NCKAP5: variants seen among roughly 807,000 people sequenced by gnomAD.
NCKAP5 encodes NCK associated protein 5, also known as nck-associated protein 5.
A neutral mutation model predicts 167.0 loss-of-function variants in NCKAP5; 92 were observed. That is an observed-to-expected ratio of 0.55 (90% CI 0.47 to 0.66). The LOEUF (loss-of-function observed/expected upper bound fraction) is 0.66. Ranked by LOEUF, NCKAP5 falls within the 30% of genes least tolerant of loss-of-function variation. NCKAP5 has a pLI of 0.00. For missense variants in NCKAP5, 2,378 were observed against 2,315.0 expected (o/e 1.03, Z -0.56); for synonymous variants, 891 against 877.4 (o/e 1.02, Z -0.27).
At chr2:132,967,155 C>A (rs2076693904) in intron 7 of NCKAP5, among the ~76,000 whole-genome samples, 1 of 143,100 alleles carries the variant, frequency 7.0e-6, no homozygotes, top group South Asian at 2.3e-4. Flanking sequence ...GAGCCACTGC[C>A]CTATCGTACA....
chr2:133,602,516 CACGT>C, the NCKAP5 span, among the ~76,000 whole-genome samples: 1 of 152,152 alleles, frequency 6.6e-6, no homozygotes, highest in Non-Finnish European at 1.5e-5. Context: ...GGGAGGTAGG[CACGT>C]GGCTATCTTC....
intron 4 of NCKAP5, among the ~76,000 whole-genome samples, chr2:133,243,169 C>T (rs2087808043): frequency 6.6e-6 from 1 of 152,116 alleles, no homozygotes; most frequent in Admixed American, 6.6e-5. Context: ...GTGCAACCCC[C>T]ATTTTTTAAA....
intron 5 of NCKAP5, among the ~76,000 whole-genome samples, chr2:133,210,458 TA>T (rs533131796): frequency 2.0e-5 from 3 of 151,856 alleles, no homozygotes; most frequent in African/African-American, 4.8e-5. Flanking sequence ...AATAAAAATA[TA>T]AAAAAAACTG....
At chr2:133,538,929 G>GT (rs1685978131) in intron 2 of NCKAP5, among the ~76,000 whole-genome samples, 1 of 102,798 alleles carries the variant, frequency 9.7e-6, no homozygotes, top group East Asian at 3.2e-4. Flanking sequence ...TGGTTTTTTT[G>GT]GGTTTTTTTT....
intron 11 of NCKAP5, among the ~76,000 whole-genome samples, chr2:132,853,503 T>C (rs907683670): frequency 1.3e-5 from 2 of 152,222 alleles, no homozygotes; most frequent in Non-Finnish European, 2.9e-5. Flanking sequence ...ACACATATGA[T>C]GGGAAGTCAG....
chr2:133,479,932 CTTTT>C (rs11368084), intron 3 of NCKAP5, among the ~76,000 whole-genome samples: 3 of 133,582 alleles, frequency 2.2e-5, no homozygotes, highest in African/African-American at 2.8e-5. Flanking sequence ...TTTCTTTTTC[CTTTT>C]TTTTTTTTTT....
At chr2:132,674,208 G>A (rs549021299) in intron 19 of NCKAP5, among the ~76,000 whole-genome samples, 16 of 152,248 alleles carry the variant, frequency 1.1e-4, no homozygotes, top group African/African-American at 2.6e-4. Flanking sequence ...AAGCAGGCCC[G>A]GGGGCTTGGA....
chr2:133,116,955 G>C (rs898435756), intron 6 of NCKAP5: 3 of 152,228 alleles, frequency 2.0e-5, no homozygotes, highest in East Asian at 3.9e-4. Flanking sequence ...TTGTTCTTTT[G>C]TAGACAACAT....
intron 4 of NCKAP5, among the ~76,000 whole-genome samples, chr2:133,251,666 G>A (rs1256434830): frequency 6.6e-6 from 1 of 152,168 alleles, no homozygotes; most frequent in Non-Finnish European, 1.5e-5. Flanking sequence ...TAGATGTGAA[G>A]ATGAGAAAAG....
intron 8 of NCKAP5, among the ~76,000 whole-genome samples, chr2:132,882,366 AC>A (rs1259920524): frequency 1.3e-5 from 2 of 151,148 alleles, no homozygotes; most frequent in Admixed American, 6.6e-5. Flanking sequence ...CAGGCTCAAC[AC>A]CCCCACCCCA....
intron 2 of NCKAP5, among the ~76,000 whole-genome samples, chr2:133,553,702 A>G (rs1410781746): frequency 6.6e-6 from 1 of 152,188 alleles, no homozygotes; most frequent in African/African-American, 2.4e-5. Context: ...AAGGGGACTT[A>G]GGACACTAAT....
intron 7 of NCKAP5, among the ~76,000 whole-genome samples, chr2:132,971,203 A>C (rs1057401483): frequency 1.3e-5 from 2 of 152,218 alleles, no homozygotes; most frequent in African/African-American, 4.8e-5. Flanking sequence ...CCTGTGAGGA[A>C]GAGTTTCAAG....
intron 3 of NCKAP5, among the ~76,000 whole-genome samples, chr2:133,340,651 T>C (rs1304249692): frequency 6.6e-6 from 1 of 152,194 alleles, no homozygotes; most frequent in South Asian, 2.1e-4. Flanking sequence ...AATGAGGTAA[T>C]GAATGCCCTA....
chr2:132,860,034 T>G (rs549116473), intron 11 of NCKAP5, among the ~76,000 whole-genome samples: 1 of 152,292 alleles, frequency 6.6e-6, no homozygotes, highest in East Asian at 1.9e-4. Context: ...CGTTCTGTTA[T>G]AAGAAGGAAC....
intron 4 of NCKAP5, among the ~76,000 whole-genome samples, chr2:133,252,709 GC>G (rs2088410348): frequency 1.3e-5 from 2 of 152,084 alleles, no homozygotes; most frequent in African/African-American, 4.8e-5. Context: ...AAGTCAGGCT[GC>G]CCATGGGCAC....
chr2:132,801,581 T>C (rs76381698), intron 11 of NCKAP5, among the ~76,000 whole-genome samples: 2 of 152,170 alleles, frequency 1.3e-5, no homozygotes, highest in African/African-American at 4.8e-5. Context: ...GTTAGGGGAT[T>C]GTGTGAAGAG....
intron 5 of NCKAP5, among the ~76,000 whole-genome samples, chr2:133,169,719 A>G (rs1436967938): frequency 6.6e-6 from 1 of 152,212 alleles, no homozygotes; most frequent in Admixed American, 6.5e-5. Flanking sequence ...TCCCCACAAG[A>G]GTGCTACGCA....
intron 8 of NCKAP5, among the ~76,000 whole-genome samples, chr2:132,909,024 G>A (rs998591661): frequency 2.6e-5 from 4 of 152,060 alleles, no homozygotes; most frequent in East Asian, 1.9e-4. Flanking sequence ...GCAATCTCAC[G>A]GTAAGCAGTT....
chr2:132,880,903 C>T (rs180745203), intron 8 of NCKAP5, among the ~76,000 whole-genome samples: 69 of 152,268 alleles, frequency 4.5e-4, no homozygotes, highest in African/African-American at 1.4e-3. Flanking sequence ...AGACATGATG[C>T]ATTTTATTCC....
Sources: gnomAD v4.1 joint callset for allele counts (sites outside exome capture counted in the v4.1 genomes callset) on GRCh38, gnomAD v4.1.1 for gene constraint, MANE v1.5 for transcripts, NCBI Gene and HGNC (gene_info 2026-07-23, HGNC 2026-07-21) for gene names.